The following ADAP1 variants were observed in gnomAD, a reference collection of about 807,000 sequenced individuals.
ADAP1 encodes arf-GAP with dual PH domain-containing protein 1.
Under a neutral mutation model 54.9 loss-of-function variants are expected in ADAP1, and 31 were observed. The ratio of observed to expected loss-of-function variants is 0.56; its 90% CI spans 0.42 to 0.76. ADAP1 has a LOEUF of 0.76. Ranked by LOEUF, ADAP1 falls within the 30% of genes least tolerant of loss-of-function variation. The pLI is 0.00. For missense variants in ADAP1, 535 were observed against 512.4 expected, an observed-to-expected ratio of 1.04 and a Z score of -0.42; for synonymous variants, 313 against 202.6, an observed-to-expected ratio of 1.55 and a Z score of -4.63.
Position 923,945 on chromosome 7 carries a change from G to A in ADAP1, c.305+2608C>T, listed in dbSNP as rs957393869. ...GGTGGACGAGTCCCCTGCCCACCTC[G>A]CCAGGCTGGACGTTTGGGCCCCACG... On this transcript the variant is annotated intron_variant, in intron 3 of 10. Transcript: ENST00000265846. 3.4e-4 allele frequency among the ~76,000 whole-genome samples: 52 copies of A among 152,222 alleles called. 1 individual carries two copies. The highest frequency in any genetic ancestry group is 2.9e-3 in the Admixed American group (45 of 15,298).
upstream of ADAP1, chr7:954,692 G>T (rs1030257065): frequency 4.1e-6 from 4 of 981,330 alleles, no homozygotes; most frequent in African/African-American, 3.5e-5. Context: ...CCGGCGCGGG[G>T]CCCGGGGCGC....
At chr7:931,093 A>C (rs1846562975) in intron 2 of ADAP1, among the ~76,000 whole-genome samples, 1 of 148,750 alleles carries the variant, frequency 6.7e-6, no homozygotes, top group South Asian at 2.2e-4. Context: ...GACGGAAGGA[A>C]GGACGGAGGG....
chr7:953,638 C>A (rs980508749), intron 1 of ADAP1, among the ~76,000 whole-genome samples: 3 of 152,206 alleles, frequency 2.0e-5, no homozygotes, highest in Admixed American at 6.5e-5. Flanking sequence ...GCTGACAGCT[C>A]CCGAGCAGGG....
In ADAP1 at chr7:898,562, CTGAGGCCTGGAAGTT is replaced by C. The variant is rs1844617541; in HGVS notation, c.*344_*358del. 19 of 387,254 alleles carry C rather than the reference CTGAGGCCTGGAAGTT, an allele frequency of 4.9e-5. No individual in the cohort carries two copies. The highest frequency in any genetic ancestry group is 4.5e-4 in the South Asian group (19 of 41,932). The allele number at this position is 387,254 out of a possible 1,614,324, so 24.0% of individuals were successfully genotyped here. ...TGCTGGCCCCAAGCAGGGCTCTGCG[CTGAGGCCTGGAAGTT>C]CCCACAGCCGTGGTGGGCGGCTCCT... On this transcript the variant is annotated 3_prime_UTR_variant, in exon 11 of 11. Transcript: ENST00000265846.
chr7:930,843 G>A (rs1357132732), intron 2 of ADAP1, among the ~76,000 whole-genome samples: 7 of 151,716 alleles, frequency 4.6e-5, no homozygotes, highest in Non-Finnish European at 7.4e-5. Context: ...CAGGCACGGT[G>A]GTGTATGCCT....
At chr7:927,506 C>T (rs762772858) in intron 2 of ADAP1, 26 of 470,558 alleles carry the variant, frequency 5.5e-5, no homozygotes, top group Non-Finnish European at 9.2e-5. Context: ...CGCCTGAGGC[C>T]GCAGCCAGGC....
At chr7:903,588 A>G (rs761798759) in intron 6 of ADAP1, among the ~76,000 whole-genome samples, 6 of 152,258 alleles carry the variant, frequency 3.9e-5, no homozygotes, top group South Asian at 4.1e-4. Flanking sequence ...TGGCCCAAAG[A>G]CAAAAGGATA....
At position 951,352 on chromosome 7, in the gene ADAP1, G is replaced by A. The variant is rs1372248603; in HGVS notation, c.82+3044C>T. Among the ~76,000 whole-genome samples, 15 of 149,992 alleles carry A rather than the reference G, an allele frequency of 1.0e-4. 1 individual carries two copies. The highest frequency in any genetic ancestry group is 1.5e-4 in the Non-Finnish European group (10 of 67,632). ...CGCACCACTGCAGTCCAGCCTGGGC[G>A]ACAGAGCGAGACTCCGTCTCAAAAA... On this transcript the variant is annotated intron_variant, in intron 1 of 10. Transcript: ENST00000265846.
At chr7:913,169 G>A (rs1179099474) in intron 4 of ADAP1, among the ~76,000 whole-genome samples, 3 of 149,512 alleles carry the variant, frequency 2.0e-5, no homozygotes, top group African/African-American at 7.4e-5. Context: ...TGGAATTCGT[G>A]TGCAAAGGCT....
intron 2 of ADAP1, among the ~76,000 whole-genome samples, chr7:930,449 G>T (rs1319669658): frequency 6.8e-6 from 1 of 146,486 alleles, no homozygotes; most frequent in African/African-American, 2.6e-5. Context: ...AGGCCAAGGC[G>T]GGCGGATCAC....
At chr7:905,306 GAC>G (rs1845076941) in intron 4 of ADAP1, 134 bp from the exon 5 acceptor site, 3 of 447,834 alleles carry the variant, frequency 6.7e-6, no homozygotes, top group Admixed American at 5.8e-5. Flanking sequence ...GACAGGGGGA[GAC>G]GGACGGGGAG....
chr7:929,396 A>G (rs894684685), intron 2 of ADAP1, among the ~76,000 whole-genome samples: 9 of 150,970 alleles, frequency 6.0e-5, no homozygotes, highest in African/African-American at 2.2e-4. Context: ...AACACCACGA[A>G]TCGGCCGCAC....
In ADAP1 at chr7:904,215, C is replaced by A; in HGVS notation, c.559G>T (p.Ala187Ser). The change falls in exon 6 of 11, where the codon GCC (alanine) becomes TCC (serine). Residue 187 changes from alanine (A) to serine (S), a missense_variant. By Grantham distance (99) the Ala-to-Ser change is moderately conservative. Transcript: ENST00000265846. ...AGGCCGTGGGGGTGGCCGATCTTGG[C>A]CGGCTGGAAGGTGGCGTTCAGGTGC... is the stretch of plus-strand genomic sequence containing the variant. The part of the protein sequence containing the change: ...IEHLNATFQP[A>S]KIGHPHGLQV... 1.2e-6 allele frequency: 2 copies of A among 1,610,860 alleles called. No homozygotes were observed. The highest frequency in any genetic ancestry group is 1.3e-5 in the African/African-American group (1 of 74,942).
intron 7 of ADAP1, 21 bp downstream of exon 7, chr7:900,512 G>A: frequency 1.3e-6 from 2 of 1,582,110 alleles, no homozygotes; most frequent in Non-Finnish European, 1.7e-6. Flanking sequence ...CCCTGGAGCT[G>A]ACCGCAGGGC....
chr7:929,305 AAAG>A (rs1425757302), intron 2 of ADAP1, among the ~76,000 whole-genome samples: 1 of 151,776 alleles, frequency 6.6e-6, no homozygotes, highest in Non-Finnish European at 1.5e-5. Context: ...AAAAAAAAAA[AAAG>A]AGCAACACAA....
At chr7:912,965 C>T (rs1583148686) in intron 4 of ADAP1, among the ~76,000 whole-genome samples, 1 of 152,018 alleles carries the variant, frequency 6.6e-6, no homozygotes, top group Admixed American at 6.5e-5. Flanking sequence ...CCTCCCACCT[C>T]AGTGTCCTGA....
At position 920,908 on chromosome 7, in the gene ADAP1, G is replaced by C; in HGVS notation, c.306-858C>G. The C allele has an allele frequency of 6.5e-7, 1 of 1,539,918 alleles. No homozygotes were observed. ...GAATTACGCGGCAAAGAACAAATAG[G>C]AACCCTGTGGCTTCCTGCTGGGCCC... On this transcript the variant is annotated intron_variant, in intron 3 of 10. Coordinates refer to ENST00000265846, the MANE Select transcript of ADAP1 (RefSeq NM_006869.4). The surrounding 1 kb of genome is among the most constrained non-coding windows in gnomAD (Gnocchi z 4.5).
intron 4 of ADAP1, among the ~76,000 whole-genome samples, chr7:918,525 G>GGGCA (rs1453876779): frequency 6.6e-6 from 1 of 152,196 alleles, no homozygotes; most frequent in Non-Finnish European, 1.5e-5. Flanking sequence ...CGCCATTCCA[G>GGGCA]GGCAGCCTCT....
Position 905,296 on chromosome 7 carries a change from GACAGGGGGAGACGGAC to G in ADAP1, c.389-140_389-125del, listed in dbSNP as rs1164265481. The G allele has an allele frequency of 3.2e-4, 145 of 451,542 alleles. 4 individuals carry two copies. The highest frequency in any genetic ancestry group is 2.3e-3 in the African/African-American group (86 of 37,632). 28.0% of individuals were successfully genotyped at this position (451,542 alleles called of 1,614,324 possible). On this transcript the variant is annotated intron_variant, in intron 4 of 10. Transcript: ENST00000265846. ...ACGGGGGACACGGACGGGGGACACG[GACAGGGGGAGACGGAC>G]GGGGAGAGGGGACATGGAGGAGACA...
Sources: gnomAD v4.1 joint callset for allele counts (sites outside exome capture counted in the v4.1 genomes callset) on GRCh38, gnomAD v4.1.1 for gene constraint, Gnocchi (gnomAD v3.1) non-coding constraint, MANE v1.5 for transcripts, NCBI Gene and HGNC (gene_info 2026-07-23, HGNC 2026-07-21) for gene names.